DAB1: variants seen among roughly 807,000 people sequenced by gnomAD.
DAB1 encodes DAB adaptor protein 1.
DAB1 carries 15 observed loss-of-function variants against 64.6 expected under a neutral mutation model. The ratio of observed to expected loss-of-function variants is 0.23; its 90% CI spans 0.16 to 0.36. The LOEUF (loss-of-function observed/expected upper bound fraction) is 0.36. DAB1 is among the 10% of genes least tolerant of loss of function. The probability of loss-of-function intolerance (pLI) is 1.00; values close to 1 mark genes in which losing one functional copy is unlikely to be tolerated. For synonymous variants in DAB1, 235 were observed against 251.9 expected (o/e 0.93, Z 0.64); for missense variants, 596 against 706.7 (o/e 0.84, Z 1.78).
At chr1:58,032,468 A>G (rs1168347532) in intron 5 of DAB1, among the ~76,000 whole-genome samples, 1 of 152,200 alleles carries the variant, frequency 6.6e-6, no homozygotes, top group Non-Finnish European at 1.5e-5. Context: ...GGAGTGCCCA[A>G]AGTTTTTGAA....
intron 5 of DAB1, among the ~76,000 whole-genome samples, chr1:58,137,708 G>A (rs1167866774): frequency 1.3e-5 from 2 of 152,184 alleles, no homozygotes; most frequent in East Asian, 1.9e-4. Context: ...AAGACTCTAA[G>A]CTTTCTGCCT....
intron 6 of DAB1, among the ~76,000 whole-genome samples, chr1:57,705,775 C>T (rs1646959079): frequency 6.6e-6 from 1 of 151,854 alleles, no homozygotes; most frequent in Non-Finnish European, 1.5e-5. Flanking sequence ...CGTCTCTCTC[C>T]TATCAGAAAT....
chr1:58,479,984 T>C (rs1244626570), intron 3 of DAB1, among the ~76,000 whole-genome samples: 1 of 152,214 alleles, frequency 6.6e-6, no homozygotes, highest in Non-Finnish European at 1.5e-5. Context: ...TTTAATATAA[T>C]GTATTTCAAG....
intron 2 of DAB1, among the ~76,000 whole-genome samples, chr1:57,289,052 A>G (rs1347381177): frequency 6.6e-6 from 1 of 152,162 alleles, no homozygotes; most frequent in Non-Finnish European, 1.5e-5. Context: ...ATCCCATGAT[A>G]TTAGCCAGTC....
chr1:57,048,907 C>A (rs1648860485), intron 9 of DAB1, among the ~76,000 whole-genome samples: 1 of 152,202 alleles, frequency 6.6e-6, no homozygotes, highest in Admixed American at 6.5e-5. Context: ...AGACAGCAGG[C>A]AACTGCATAT....
At chr1:57,693,650 G>A (rs1646790817) in intron 6 of DAB1, among the ~76,000 whole-genome samples, 1 of 152,128 alleles carries the variant, frequency 6.6e-6, no homozygotes, top group South Asian at 2.1e-4. Context: ...AATAAATCTT[G>A]CTGCTGCTCA....
At chr1:57,946,761 T>C (rs1645189987) in intron 5 of DAB1, among the ~76,000 whole-genome samples, 1 of 152,208 alleles carries the variant, frequency 6.6e-6, no homozygotes. Flanking sequence ...GAGTCCTGTA[T>C]TATCTCTTTT....
At chr1:57,498,867 T>A (rs892133267) in intron 7 of DAB1, among the ~76,000 whole-genome samples, 1 of 152,194 alleles carries the variant, frequency 6.6e-6, no homozygotes, top group African/African-American at 2.4e-5. Context: ...AAAAGACATG[T>A]TTCAAAGGCT....
intron 1 of DAB1, among the ~76,000 whole-genome samples, chr1:57,379,431 AAAGT>A (rs1681180690): frequency 6.6e-6 from 1 of 152,212 alleles, no homozygotes; most frequent in Non-Finnish European, 1.5e-5. Context: ...AGGAAGTTAC[AAAGT>A]AAGAATCAAC....
At chr1:57,211,356 T>A (rs1665989822) in intron 2 of DAB1, among the ~76,000 whole-genome samples, 1 of 152,202 alleles carries the variant, frequency 6.6e-6, no homozygotes, top group South Asian at 2.1e-4. Context: ...TTAAAAGTGA[T>A]ACAAGTAGAG....
At chr1:57,486,643 C>T (rs1644095240) in intron 7 of DAB1, among the ~76,000 whole-genome samples, 1 of 152,038 alleles carries the variant, frequency 6.6e-6, no homozygotes, top group African/African-American at 2.4e-5. Context: ...TTTTAGTTTG[C>T]TTCCCATCTT....
At chr1:57,764,141 A>C (rs1334623412) in intron 6 of DAB1, among the ~76,000 whole-genome samples, 1 of 152,190 alleles carries the variant, frequency 6.6e-6, no homozygotes, top group Admixed American at 6.5e-5. Flanking sequence ...CACTGACTCT[A>C]ACACTGAAAG....
intron 1 of DAB1, among the ~76,000 whole-genome samples, chr1:57,855,608 G>A (rs1356363859): frequency 2.6e-5 from 4 of 152,260 alleles, no homozygotes; most frequent in Admixed American, 2.0e-4. Context: ...ATACCTGGGG[G>A]CAAAGAAACA....
chr1:57,006,696 T>C (rs575555409), intron 14 of DAB1, among the ~76,000 whole-genome samples: 18 of 152,346 alleles, frequency 1.2e-4, no homozygotes, highest in African/African-American at 3.8e-4. Context: ...TCTGTGTCCA[T>C]AAAATAGGTC....
At chr1:57,503,175 G>T (rs1296710233) in intron 7 of DAB1, among the ~76,000 whole-genome samples, 1 of 152,268 alleles carries the variant, frequency 6.6e-6, no homozygotes, top group African/African-American at 2.4e-5. Context: ...TGCTTTATTG[G>T]CAAACTCAAG....
intron 7 of DAB1, among the ~76,000 whole-genome samples, chr1:57,436,854 C>T (rs1005161496): frequency 1.3e-5 from 2 of 151,892 alleles, no homozygotes; most frequent in Admixed American, 6.6e-5. Context: ...TGGTGAACCC[C>T]GTCTCTACTA....
At chr1:57,457,550 G>A (rs956581564) in intron 7 of DAB1, among the ~76,000 whole-genome samples, 1 of 152,074 alleles carries the variant, frequency 6.6e-6, no homozygotes, top group African/African-American at 2.4e-5. Flanking sequence ...AATCCATTTG[G>A]CATTCTCAAT....
At chr1:57,580,068 G>A (rs756703303) in intron 7 of DAB1, among the ~76,000 whole-genome samples, 6 of 152,070 alleles carry the variant, frequency 3.9e-5, no homozygotes, top group Admixed American at 1.3e-4. Flanking sequence ...TAATTCCAAC[G>A]TGCTCTGTAG....
intron 6 of DAB1, among the ~76,000 whole-genome samples, chr1:57,811,320 A>T (rs1651610532): frequency 6.6e-6 from 1 of 152,204 alleles, no homozygotes; most frequent in African/African-American, 2.4e-5. Context: ...ATGCTTTAAC[A>T]CAATCCCCCT....
Sources: gnomAD v4.1 joint callset for allele counts (sites outside exome capture counted in the v4.1 genomes callset) on GRCh38, gnomAD v4.1.1 for gene constraint, MANE v1.5 for transcripts, NCBI Gene and HGNC (gene_info 2026-07-23, HGNC 2026-07-21) for gene names.